Variants in SMCHD1 observed in about 807,000 individuals in gnomAD.
SMCHD1 encodes structural maintenance of chromosomes flexible hinge domain-containing protein 1.
In SMCHD1, 78 loss-of-function variants were observed where a neutral mutation model predicts 254.7. The ratio of observed to expected loss-of-function variants is 0.31; its 90% CI spans 0.26 to 0.37. The LOEUF is 0.37. Ranked by LOEUF, SMCHD1 falls within the 10% of genes least tolerant of loss-of-function variation. The pLI is 1.00. For missense variants in SMCHD1, 1,840 were observed against 2,408.1 expected (o/e 0.76, Z 4.94); for synonymous variants, 766 against 794.9 (o/e 0.96, Z 0.61).
chr18:2,778,885 A>G (rs1273548908), intron 44 of SMCHD1: 1 of 152,246 alleles, frequency 6.6e-6, no homozygotes, highest in African/African-American at 2.4e-5. Flanking sequence ...CTATCTCCAA[A>G]TAATGTCACA....
intron 44 of SMCHD1, among the ~76,000 whole-genome samples, chr18:2,780,959 G>A (rs986386396): frequency 1.4e-4 from 22 of 152,242 alleles, no homozygotes; most frequent in Non-Finnish European, 1.5e-5. Flanking sequence ...ACTGGCAAGA[G>A]AGTCAGGATT....
chr18:2,691,370 G>T (rs548734780), intron 7 of SMCHD1, among the ~76,000 whole-genome samples: 10 of 152,136 alleles, frequency 6.6e-5, no homozygotes, highest in Non-Finnish European at 1.2e-4. Flanking sequence ...GTACCAACAA[G>T]TACCTGGTCT....
intron 24 of SMCHD1, among the ~76,000 whole-genome samples, chr18:2,731,631 AT>A (rs1253149514): frequency 6.6e-6 from 1 of 152,342 alleles, no homozygotes; most frequent in African/African-American, 2.4e-5. Flanking sequence ...AATTTCTTAC[AT>A]CTTTGTTCTT....
At chr18:2,741,802 T>C (rs2075355307) in intron 28 of SMCHD1, among the ~76,000 whole-genome samples, 1 of 152,182 alleles carries the variant, frequency 6.6e-6, no homozygotes, top group Non-Finnish European at 1.5e-5. Context: ...TAACCTGTCT[T>C]CCTACATCTT....
At chr18:2,687,659 G>A (rs546426) in intron 5 of SMCHD1, among the ~76,000 whole-genome samples, 128,854 of 152,126 alleles carry the variant, frequency 0.85, 57,993 homozygotes, top group East Asian at 1. Context: ...TTCTAGAGCT[G>A]CATTTAATCT....
chr18:2,772,182 C>G, intron 40 of SMCHD1, 68 bp from the exon 41 acceptor site: 1 of 1,296,560 alleles, frequency 7.7e-7, no homozygotes, highest in South Asian at 2.3e-5. Context: ...TTTTTCTCCA[C>G]TGTCATTATG....
At chr18:2,786,565 G>A (rs1948321146) in intron 45 of SMCHD1, among the ~76,000 whole-genome samples, 1 of 151,952 alleles carries the variant, frequency 6.6e-6, no homozygotes, top group African/African-American at 2.4e-5. Context: ...GGTGGTGGGT[G>A]CCTGTTGTCC....
chr18:2,744,597 A>G (rs555317314), intron 29 of SMCHD1, among the ~76,000 whole-genome samples: 5 of 152,284 alleles, frequency 3.3e-5, no homozygotes, highest in African/African-American at 1.2e-4. Flanking sequence ...TTTGAAATCT[A>G]TTCTCTTAGC....
chr18:2,752,828 C>A (rs946856831), intron 34 of SMCHD1: 1 of 293,878 alleles, frequency 3.4e-6, no homozygotes, highest in Non-Finnish European at 6.3e-6. Context: ...TTTATAACTT[C>A]TTATTATATA....
At chr18:2,697,342 TC>T in intron 9 of SMCHD1, 1 of 368,486 alleles carries the variant, frequency 2.7e-6, no homozygotes, top group South Asian at 4.1e-5. Flanking sequence ...TCTTTTTTTG[TC>T]TCTCTTCTGT....
chr18:2,756,580 A>G (rs1450526775), intron 34 of SMCHD1, among the ~76,000 whole-genome samples: 1 of 152,008 alleles, frequency 6.6e-6, no homozygotes, highest in Non-Finnish European at 1.5e-5. Context: ...CTCAGTTTTG[A>G]TATCTTGTAA....
chr18:2,769,846 A>T, intron 38 of SMCHD1, 26 bp downstream of exon 38: 1 of 1,586,520 alleles, frequency 6.3e-7, no homozygotes, highest in Non-Finnish European at 8.6e-7. Flanking sequence ...ATAAATGGTT[A>T]AACTCCGTTG....
At chr18:2,768,001 G>C (rs11080989) in intron 37 of SMCHD1, among the ~76,000 whole-genome samples, 16,022 of 152,044 alleles carry the variant, frequency 0.11, 1,294 homozygotes, top group East Asian at 0.42. Flanking sequence ...AAAAGGTATA[G>C]TAAAATACAG....
chr18:2,771,023 T>G (rs2075974776), intron 39 of SMCHD1, among the ~76,000 whole-genome samples: 1 of 152,238 alleles, frequency 6.6e-6, no homozygotes, highest in Non-Finnish European at 1.5e-5. Context: ...GTCATATTTT[T>G]TTGCTAAGGT....
chr18:2,777,063 C>A (rs574520030), intron 42 of SMCHD1, among the ~76,000 whole-genome samples: 28 of 21,686 alleles, frequency 1.3e-3, no homozygotes, highest in Non-Finnish European at 3.6e-3. Flanking sequence ...ACCACCACCT[C>A]CCCCCCCCAT....
At chr18:2,667,529 C>T (rs2073472915) in intron 3 of SMCHD1, among the ~76,000 whole-genome samples, 1 of 152,182 alleles carries the variant, frequency 6.6e-6, no homozygotes, top group African/African-American at 2.4e-5. Context: ...TTTACTGAAT[C>T]CTCTCTTTCA....
chr18:2,780,836 A>C (rs1598439257), intron 44 of SMCHD1, among the ~76,000 whole-genome samples: 1 of 152,152 alleles, frequency 6.6e-6, no homozygotes, highest in Non-Finnish European at 1.5e-5. Context: ...CCAGCGTATC[A>C]CTAGGCACAG....
Position 2,656,584 on chromosome 18 carries a change from T to G in SMCHD1, c.186+323T>G, listed in dbSNP as rs9958586. Among the ~76,000 whole-genome samples, 406 of 152,358 alleles carry G rather than the reference T, an allele frequency of 2.7e-3. 3 individuals carry two copies. The highest frequency in any genetic ancestry group is 8.9e-3 in the African/African-American group (369 of 41,586). On this transcript the variant is annotated intron_variant, in intron 1 of 47. Transcript: ENST00000320876. ...GGCGAGCTTAGCCCGGTTGCGGCCC[T>G]GCAGTCTAGGGAAAGCCGTTGGTGG...
chr18:2,773,910 G>A lies in SMCHD1; in HGVS notation c.5175+1538G>A, dbSNP rs138637843. ...TGCACTCCAGCCTGAGTGACAGAGC[G>A]AGACTCTGTCTCAAAAAAATAAAAA... is the stretch of plus-strand genomic sequence containing the variant. On this transcript the variant is annotated intron_variant, in intron 41 of 47. Coordinates refer to ENST00000320876, the MANE Select transcript of SMCHD1 (RefSeq NM_015295.3). Among the ~76,000 whole-genome samples, 1,176 of 152,172 alleles carry A rather than the reference G, an allele frequency of 7.7e-3. 5 individuals carry two copies. Among genetic ancestry groups the A allele is most frequent in the Non-Finnish European group, 0.014 (921 of 68,004 alleles).
Sources: allele counts gnomAD v4.1 joint callset (sites outside exome capture counted in the v4.1 genomes callset), GRCh38; gene constraint gnomAD v4.1.1; transcripts MANE v1.5; gene names NCBI Gene and HGNC (gene_info 2026-07-23, HGNC 2026-07-21).